Variants in PRKAR1A observed in about 807,000 individuals in gnomAD.
PRKAR1A encodes cAMP-dependent protein kinase type I-alpha regulatory subunit.
Under a neutral mutation model 52.0 loss-of-function variants are expected in PRKAR1A, and 3 were observed. The ratio of observed to expected loss-of-function variants is 0.06; its 90% CI spans 0.03 to 0.15. The LOEUF (loss-of-function observed/expected upper bound fraction) is 0.15, where lower values mean the gene tolerates loss of function less well. PRKAR1A is among the 10% of genes least tolerant of loss of function. The probability of loss-of-function intolerance (pLI) is 1.00; values close to 1 mark genes in which losing one functional copy is unlikely to be tolerated. For synonymous variants in PRKAR1A, 188 were observed against 168.4 expected, an observed-to-expected ratio of 1.12 and a Z score of -0.90; for missense variants, 240 against 477.4, an observed-to-expected ratio of 0.50 and a Z score of 4.63.
At position 68,541,114 on chromosome 17, in the gene PRKAR1A, C is replaced by T. The variant is rs150280194; in HGVS notation, c.974-9970C>T. ...AATTCAGAAAGGCCCTGGGCAAGGA[C>T]GCGTAAGGCTGCATATTCCGTGTGG... On this transcript the variant is annotated intron_variant, in intron 11 of 11. Transcript: ENST00000585981. The T allele has an allele frequency of 7.4e-4, 795 of 1,072,650 alleles. 1 individual carries two copies. The highest frequency in any genetic ancestry group is 1.2e-3 in the Middle Eastern group (4 of 3,312). 66.4% of individuals were successfully genotyped at this position (1,072,650 alleles called of 1,614,324 possible).
chr17:68,503,074 C>A, the PRKAR1A span, among the ~76,000 whole-genome samples: 2 of 152,168 alleles, frequency 1.3e-5, no homozygotes, highest in African/African-American at 4.8e-5. Context: ...ACAGACACCA[C>A]CTCAGAGAAG....
the PRKAR1A span, among the ~76,000 whole-genome samples, chr17:68,443,197 G>A: frequency 6.6e-6 from 1 of 152,058 alleles, no homozygotes. Context: ...TGAAGCCTCC[G>A]CCTCCTGGGT....
intron 11 of PRKAR1A, among the ~76,000 whole-genome samples, chr17:68,546,699 C>T (rs550402911): frequency 6.5e-4 from 99 of 151,598 alleles, no homozygotes; most frequent in Non-Finnish European, 1.2e-3. Flanking sequence ...GCATGGTGGC[C>T]GGCGCCTGTA....
At chr17:68,435,223 T>A in the PRKAR1A span, among the ~76,000 whole-genome samples, 1 of 133,130 alleles carries the variant, frequency 7.5e-6, no homozygotes. Context: ...AAAAAAAAAA[T>A]TCAATTGGAT....
At chr17:68,516,262 A>C (rs971011602) in intron 2 of PRKAR1A, among the ~76,000 whole-genome samples, 1 of 152,152 alleles carries the variant, frequency 6.6e-6, no homozygotes, top group African/African-American at 2.4e-5. Flanking sequence ...GCAAAGTGAT[A>C]ATTTTACATC....
the PRKAR1A span, chr17:68,426,254 G>GGGGGGGGGGGGGGC: frequency 2.4e-6 from 2 of 816,922 alleles, 1 homozygote; most frequent in Admixed American, 4.6e-5. Flanking sequence ...GGGAGCGGGG[G>GGGGGGGGGGGGGGC]CTCAAATAAA....
chr17:68,507,953 G>A (rs1039573045), upstream of PRKAR1A, among the ~76,000 whole-genome samples: 2 of 152,154 alleles, frequency 1.3e-5, no homozygotes, highest in African/African-American at 4.8e-5. Context: ...AAGTCTAGAT[G>A]TTGCTGTGAA....
chr17:68,491,977 C>T, the PRKAR1A span, among the ~76,000 whole-genome samples: 7 of 152,268 alleles, frequency 4.6e-5, no homozygotes, highest in Admixed American at 3.3e-4. Flanking sequence ...TGGCCATGGG[C>T]CAGCAGACAG....
chr17:68,530,756 C>T lies in PRKAR1A; in HGVS notation c.*307C>T. On this transcript the variant is annotated 3_prime_UTR_variant, in exon 11 of 11. Transcript: ENST00000589228. Reference sequence around the variant, plus strand: ...TTTTTGGTGAGGGCAGATCCCAGCACCTATTGAATTACCATAGAGTAATGA... The same window carrying T: ...TTTTTGGTGAGGGCAGATCCCAGCATCTATTGAATTACCATAGAGTAATGA... 3.0e-6 allele frequency: 4 copies of T among 1,320,974 alleles called. No individual in the cohort carries two copies. Among genetic ancestry groups the T allele is most frequent in the Middle Eastern group, 3.0e-4 (1 of 3,342 alleles). 81.8% of individuals were successfully genotyped at this position (1,320,974 alleles called of 1,614,324 possible).
the PRKAR1A span, among the ~76,000 whole-genome samples, chr17:68,491,372 G>T: frequency 5.3e-5 from 8 of 152,168 alleles, no homozygotes; most frequent in East Asian, 1.5e-3. Context: ...GATTACAGGC[G>T]TGAGCCACCG....
chr17:68,454,314 A>G, the PRKAR1A span, among the ~76,000 whole-genome samples: 3 of 152,358 alleles, frequency 2.0e-5, no homozygotes, highest in South Asian at 4.1e-4. Context: ...CTTTACAGGG[A>G]AGCATATACT....
chr17:68,428,239 T>A, the PRKAR1A span: 7 of 151,806 alleles, frequency 4.6e-5, 1 homozygote, highest in Admixed American at 1.3e-4. Flanking sequence ...TTTTTTTTTT[T>A]TTTTATTTTG....
Position 68,530,936 on chromosome 17 carries a change from A to T in PRKAR1A, c.*487A>T. 24 of 1,100,748 alleles carry T rather than the reference A, an allele frequency of 2.2e-5. No homozygotes were observed. Among genetic ancestry groups the T allele is most frequent in the Non-Finnish European group, 2.6e-5 (23 of 898,984 alleles). The allele number at this position is 1,100,748 out of a possible 1,614,324, so 68.2% of individuals were successfully genotyped here. A position where few individuals can be genotyped will look rare whatever the true frequency, so the allele number is the denominator to read the frequency against. ...AAATGGATATAGAAAATCTTAGTAT[A>T]GTAGAAAGACATCTGCCTGTAATTA... On this transcript the variant is annotated 3_prime_UTR_variant, in exon 11 of 11. Coordinates refer to ENST00000589228, the MANE Select transcript of PRKAR1A (RefSeq NM_002734.5).
chr17:68,495,127 A>G, the PRKAR1A span, among the ~76,000 whole-genome samples: 1 of 152,098 alleles, frequency 6.6e-6, no homozygotes, highest in East Asian at 1.9e-4. Context: ...CCTGAGCCCA[A>G]GAGGTCCTCC....
At chr17:68,488,734 C>CAA in the PRKAR1A span, among the ~76,000 whole-genome samples, 53 of 42,786 alleles carry the variant, frequency 1.2e-3, no homozygotes, top group South Asian at 2.4e-3. Flanking sequence ...CATCTCAAAA[C>CAA]AAAAAAAAAA....
intron 6 of PRKAR1A, 24 bp downstream of exon 6, chr17:68,524,982 T>TA: frequency 6.3e-7 from 1 of 1,577,634 alleles, no homozygotes; most frequent in African/African-American, 1.3e-5. Flanking sequence ...ATATCAAAAA[T>TA]ATGTTGATCT....
At chr17:68,426,254 G>GCC in the PRKAR1A span, 1 of 816,924 alleles carries the variant, frequency 1.2e-6, no homozygotes, top group African/African-American at 1.7e-5. Flanking sequence ...GGGAGCGGGG[G>GCC]CTCAAATAAA....
the PRKAR1A span, among the ~76,000 whole-genome samples, chr17:68,478,953 C>A: frequency 2.0e-5 from 3 of 152,204 alleles, no homozygotes; most frequent in Non-Finnish European, 2.9e-5. Flanking sequence ...GTCTCGAACT[C>A]CCAACCTCAG....
the PRKAR1A span, among the ~76,000 whole-genome samples, chr17:68,501,448 C>G: frequency 1.5e-3 from 234 of 152,214 alleles, 2 homozygotes; most frequent in East Asian, 0.041. Context: ...ATTTCAAAAC[C>G]CTCAGCATTC....
Sources: gnomAD v4.1 joint callset for allele counts (sites outside exome capture counted in the v4.1 genomes callset) on GRCh38, gnomAD v4.1.1 for gene constraint, MANE v1.5 for transcripts, NCBI Gene and HGNC (gene_info 2026-07-23, HGNC 2026-07-21) for gene names.